Variants in RBMS1 observed in about 807,000 individuals in gnomAD.
The protein encoded by RBMS1 is RNA-binding motif, single-stranded-interacting protein 1.
RBMS1 carries 17 observed loss-of-function variants against 62.3 expected under a neutral mutation model. The observed-to-expected ratio is 0.27, with a 90% CI of 0.19 to 0.41. RBMS1 has a LOEUF of 0.41. RBMS1 is among the 10% of genes least tolerant of loss of function. The probability of loss-of-function intolerance (pLI) is 1.00; values close to 1 mark genes in which losing one functional copy is unlikely to be tolerated. For synonymous variants in RBMS1, 172 were observed against 170.0 expected (o/e 1.01, Z -0.09); for missense variants, 334 against 504.5 (o/e 0.66, Z 3.24).
intron 2 of RBMS1, among the ~76,000 whole-genome samples, chr2:160,320,763 G>A (rs1318617473): frequency 3.3e-5 from 5 of 152,000 alleles, no homozygotes; most frequent in Non-Finnish European, 5.9e-5. Context: ...TTGTACAACC[G>A]GCAGAACTAC....
intron 1 of RBMS1, among the ~76,000 whole-genome samples, chr2:160,447,082 C>T (rs1291112137): frequency 1.3e-5 from 2 of 152,100 alleles, no homozygotes; most frequent in African/African-American, 4.8e-5. Flanking sequence ...ACCTTCAAAT[C>T]TTAAGGACAC....
intron 2 of RBMS1, among the ~76,000 whole-genome samples, chr2:160,359,220 G>A (rs979161100): frequency 1.3e-5 from 2 of 152,104 alleles, no homozygotes; most frequent in Non-Finnish European, 2.9e-5. Context: ...AACCCTACAC[G>A]AAGAGCTTCG....
At chr2:160,457,853 A>AC (rs1329227893) in intron 1 of RBMS1, among the ~76,000 whole-genome samples, 1 of 152,132 alleles carries the variant, frequency 6.6e-6, no homozygotes, top group East Asian at 1.9e-4. Flanking sequence ...GCAGCTCACT[A>AC]CTTTTGAGGC....
chr2:160,439,535 A>G (rs1683302412), intron 1 of RBMS1, among the ~76,000 whole-genome samples: 1 of 139,580 alleles, frequency 7.2e-6, no homozygotes, highest in Admixed American at 7.1e-5. Context: ...CCTAGATGGG[A>G]TGGCGGCCGG....
intron 4 of RBMS1, among the ~76,000 whole-genome samples, chr2:160,312,767 C>A (rs1689996400): frequency 6.6e-6 from 1 of 150,866 alleles, no homozygotes; most frequent in South Asian, 2.1e-4. Context: ...ACATAATTAT[C>A]TTTTGAAACA....
intron 2 of RBMS1, among the ~76,000 whole-genome samples, chr2:160,343,767 A>C (rs1263248889): frequency 6.6e-6 from 1 of 152,168 alleles, no homozygotes. Context: ...AAACCTAAAA[A>C]TAAACTATCC....
chr2:160,367,179 C>T (rs1553515783), intron 2 of RBMS1, 37 bp downstream of exon 2: 23 of 1,586,140 alleles, frequency 1.5e-5, no homozygotes, highest in Non-Finnish European at 1.9e-5. Flanking sequence ...CAAGAAAATA[C>T]TTAGCAGCTA....
chr2:160,397,051 A>C (rs1695186128), intron 1 of RBMS1, among the ~76,000 whole-genome samples: 1 of 152,026 alleles, frequency 6.6e-6, no homozygotes. Context: ...TACTCATCTT[A>C]CCAATGTCAA....
intron 1 of RBMS1, among the ~76,000 whole-genome samples, chr2:160,383,967 G>A (rs541564423): frequency 1.3e-5 from 2 of 152,330 alleles, no homozygotes; most frequent in Admixed American, 6.5e-5. Context: ...GGAGACCGAG[G>A]CAGGCAGATC....
intron 1 of RBMS1, among the ~76,000 whole-genome samples, chr2:160,413,051 A>G (rs1225966863): frequency 6.6e-6 from 1 of 152,234 alleles, no homozygotes; most frequent in Non-Finnish European, 1.5e-5. Context: ...TGTCCAAGAG[A>G]TAAGAATAGA....
intron 1 of RBMS1, among the ~76,000 whole-genome samples, chr2:160,386,496 G>A (rs539425968): frequency 2.0e-5 from 3 of 151,276 alleles, no homozygotes; most frequent in African/African-American, 7.3e-5. Flanking sequence ...AGCTGAGATC[G>A]TGCTATTGCA....
intron 3 of RBMS1, among the ~76,000 whole-genome samples, chr2:160,313,520 TG>T (rs926688334): frequency 3.3e-5 from 5 of 150,520 alleles, no homozygotes; most frequent in African/African-American, 7.4e-5. Flanking sequence ...TATTTACTGG[TG>T]GGGGGGAGAC....
chr2:160,286,424 A>G (rs1250067010), intron 7 of RBMS1, among the ~76,000 whole-genome samples: 4 of 149,504 alleles, frequency 2.7e-5, no homozygotes, highest in African/African-American at 7.4e-5. Context: ...GGCTGCAGCG[A>G]TTCTCCTGCC....
intron 1 of RBMS1, among the ~76,000 whole-genome samples, chr2:160,451,899 C>T (rs1004297932): frequency 6.6e-6 from 1 of 152,102 alleles, no homozygotes; most frequent in African/African-American, 2.4e-5. Context: ...CATGAGGCAC[C>T]GCGCCTGGCC....
At chr2:160,382,973 G>A (rs1015128174) in intron 1 of RBMS1, among the ~76,000 whole-genome samples, 4 of 151,994 alleles carry the variant, frequency 2.6e-5, no homozygotes, top group Non-Finnish European at 5.9e-5. Flanking sequence ...TAAAATGTAC[G>A]ATTTATACAG....
At chr2:160,407,768 A>T (rs1695834180) in intron 1 of RBMS1, 1 of 981,108 alleles carries the variant, frequency 1.0e-6, no homozygotes, top group African/African-American at 1.8e-5. Context: ...AGACTCGAGC[A>T]GCTCGGGCAG....
chr2:160,379,807 C>T (rs1694187106), intron 1 of RBMS1, among the ~76,000 whole-genome samples: 1 of 152,134 alleles, frequency 6.6e-6, no homozygotes, highest in Admixed American at 6.5e-5. Flanking sequence ...CCAAAATGTG[C>T]ACATTGCTAG....
chr2:160,302,955 G>T, intron 5 of RBMS1: 2 of 168,016 alleles, frequency 1.2e-5, no homozygotes, highest in Non-Finnish European at 1.3e-5. Context: ...TTACTTTATT[G>T]ATGAATCAAA....
At chr2:160,376,894 T>C (rs1694028526) in intron 1 of RBMS1, among the ~76,000 whole-genome samples, 1 of 152,190 alleles carries the variant, frequency 6.6e-6, no homozygotes, top group Admixed American at 6.5e-5. Flanking sequence ...GCTCTTGAAC[T>C]CAGCTTCAAG....
Sources: gnomAD v4.1 joint callset for allele counts (sites outside exome capture counted in the v4.1 genomes callset) on GRCh38, gnomAD v4.1.1 for gene constraint, MANE v1.5 for transcripts, NCBI Gene and HGNC (gene_info 2026-07-23, HGNC 2026-07-21) for gene names.